The following SMYD3 variants were observed in gnomAD, a reference collection of about 807,000 sequenced individuals.
The protein encoded by SMYD3 is histone-lysine N-methyltransferase SMYD3.
In SMYD3, 36 loss-of-function variants were observed where a neutral mutation model predicts 57.7. The observed-to-expected ratio is 0.62, with a 90% CI of 0.48 to 0.82. SMYD3 has a LOEUF of 0.82. SMYD3 is among the 40% of genes least tolerant of loss of function. The pLI is 0.00. For missense variants in SMYD3, 515 were observed against 538.8 expected (o/e 0.96, Z 0.44); for synonymous variants, 211 against 195.0 (o/e 1.08, Z -0.68).
At chr1:246,473,132 C>T (rs919722800) in intron 1 of SMYD3, among the ~76,000 whole-genome samples, 4 of 152,286 alleles carry the variant, frequency 2.6e-5, no homozygotes, top group Admixed American at 2.6e-4. Flanking sequence ...GCTGGGATTA[C>T]AGGCATGAGT....
At chr1:246,166,093 C>T (rs2062205043) in intron 5 of SMYD3, among the ~76,000 whole-genome samples, 1 of 151,230 alleles carries the variant, frequency 6.6e-6, no homozygotes, top group Admixed American at 6.6e-5. Flanking sequence ...GGTTCCCCTC[C>T]CTTTTTTAAA....
chr1:246,102,439 A>G (rs1334506492), intron 5 of SMYD3, among the ~76,000 whole-genome samples: 1 of 152,106 alleles, frequency 6.6e-6, no homozygotes, highest in African/African-American at 2.4e-5. Context: ...TTCTCCATTA[A>G]AGGGTAAACC....
At chr1:246,166,400 G>C (rs2062212532) in intron 5 of SMYD3, among the ~76,000 whole-genome samples, 1 of 152,224 alleles carries the variant, frequency 6.6e-6, no homozygotes, top group African/African-American at 2.4e-5. Flanking sequence ...AGGAGGATAA[G>C]ATCATGCTGC....
At chr1:246,273,575 CTTTTTT>C (rs75025399) in intron 5 of SMYD3, among the ~76,000 whole-genome samples, 7 of 84,392 alleles carry the variant, frequency 8.3e-5, no homozygotes, top group South Asian at 5.7e-4. Flanking sequence ...TTTCACTAAT[CTTTTTT>C]TTTTTTTTTT....
At chr1:246,240,891 T>G (rs199685677) in intron 5 of SMYD3, among the ~76,000 whole-genome samples, 22,458 of 150,966 alleles carry the variant, frequency 0.15, 2,226 homozygotes, top group East Asian at 0.34. Flanking sequence ...GGCTCTCTGT[T>G]TGTCTGTTAT....
At chr1:246,027,913 T>C (rs2059604829) in intron 5 of SMYD3, among the ~76,000 whole-genome samples, 1 of 152,160 alleles carries the variant, frequency 6.6e-6, no homozygotes, top group Non-Finnish European at 1.5e-5. Context: ...CCAGACACCA[T>C]TAGGAACACT....
At chr1:246,379,081 T>TAC (rs34560740) in intron 1 of SMYD3, among the ~76,000 whole-genome samples, 23,448 of 130,262 alleles carry the variant, frequency 0.18, 2,065 homozygotes, top group East Asian at 0.26. Flanking sequence ...CACACATACA[T>TAC]ACACACACAC....
At chr1:245,966,705 G>A (rs927347570) in intron 5 of SMYD3, among the ~76,000 whole-genome samples, 2 of 151,970 alleles carry the variant, frequency 1.3e-5, no homozygotes, top group Non-Finnish European at 2.9e-5. Context: ...AGATCATCTC[G>A]AGTCCTTATT....
chr1:246,370,844 C>G (rs2066181974), intron 1 of SMYD3, among the ~76,000 whole-genome samples: 1 of 152,202 alleles, frequency 6.6e-6, no homozygotes, highest in South Asian at 2.1e-4. Flanking sequence ...AGCCAGACTA[C>G]TTGGCTCTAA....
At chr1:245,774,004 A>C (rs1402548935) in intron 10 of SMYD3, among the ~76,000 whole-genome samples, 2 of 152,258 alleles carry the variant, frequency 1.3e-5, no homozygotes, top group African/African-American at 4.8e-5. Flanking sequence ...CTACTCCTAG[A>C]AATGCAGCAG....
chr1:246,456,863 C>T (rs750266851), intron 1 of SMYD3, among the ~76,000 whole-genome samples: 12 of 152,156 alleles, frequency 7.9e-5, no homozygotes, highest in Non-Finnish European at 1.5e-4. Context: ...AAGGAGGACA[C>T]AAGGGGATGG....
chr1:246,200,779 G>A (rs939587911), intron 5 of SMYD3, among the ~76,000 whole-genome samples: 2 of 152,168 alleles, frequency 1.3e-5, no homozygotes, highest in Non-Finnish European at 2.9e-5. Flanking sequence ...ACCTTTTGAC[G>A]TGGGTATTAT....
At chr1:246,291,425 T>C (rs2148594204) in intron 5 of SMYD3, among the ~76,000 whole-genome samples, 1 of 152,344 alleles carries the variant, frequency 6.6e-6, no homozygotes, top group Non-Finnish European at 1.5e-5. Flanking sequence ...CCAGTGCATC[T>C]GGACTTCTCA....
chr1:246,278,052 G>A (rs920148023), intron 5 of SMYD3, among the ~76,000 whole-genome samples: 2 of 152,110 alleles, frequency 1.3e-5, no homozygotes, highest in South Asian at 2.1e-4. Context: ...GAGGAAGGGA[G>A]TACAACTGCA....
At chr1:246,002,405 CGAT>C (rs1572873361) in intron 5 of SMYD3, among the ~76,000 whole-genome samples, 1 of 52,874 alleles carries the variant, frequency 1.9e-5, no homozygotes, top group East Asian at 4.1e-4. Context: ...AGGATGGTCT[CGAT>C]CTCCTGACCT....
intron 5 of SMYD3, among the ~76,000 whole-genome samples, chr1:246,292,237 A>C (rs192189079): frequency 3.9e-5 from 6 of 151,954 alleles, no homozygotes. Flanking sequence ...TCTTAGACTT[A>C]CTATCCAAAA....
chr1:245,756,588 TTTC>T (rs1347488330), intron 11 of SMYD3, among the ~76,000 whole-genome samples: 1 of 152,114 alleles, frequency 6.6e-6, no homozygotes, highest in East Asian at 1.9e-4. Flanking sequence ...AATGTCTTGA[TTTC>T]TTCTTCATTC....
chr1:245,922,507 A>C (rs1176439644), intron 7 of SMYD3, among the ~76,000 whole-genome samples: 2 of 152,316 alleles, frequency 1.3e-5, no homozygotes, highest in East Asian at 3.9e-4. Flanking sequence ...ACCTCCACCA[A>C]AGACCAATTA....
intron 5 of SMYD3, among the ~76,000 whole-genome samples, chr1:246,068,900 C>T (rs982880598): frequency 3.9e-5 from 6 of 152,120 alleles, no homozygotes; most frequent in Admixed American, 3.3e-4. Context: ...TTATGTCTTA[C>T]CTTATGCTTC....
Sources: gnomAD v4.1 joint callset for allele counts (sites outside exome capture counted in the v4.1 genomes callset) on GRCh38, gnomAD v4.1.1 for gene constraint, MANE v1.5 for transcripts, NCBI Gene and HGNC (gene_info 2026-07-23, HGNC 2026-07-21) for gene names.